Variants in MARCHF1 observed in about 807,000 individuals in gnomAD.
MARCHF1 encodes membrane associated ring-CH-type finger 1, also known as E3 ubiquitin-protein ligase MARCHF1.
Under a neutral mutation model 54.2 loss-of-function variants are expected in MARCHF1, and 40 were observed. The ratio of observed to expected loss-of-function variants is 0.74; its 90% confidence interval spans 0.57 to 0.96. MARCHF1 has a LOEUF of 0.96. MARCHF1 is among the 40% of genes least tolerant of loss of function. The pLI is 0.00. For missense variants in MARCHF1, 586 were observed against 656.5 expected (o/e 0.89, Z 1.17); for synonymous variants, 236 against 236.3 (o/e 1.00, Z 0.01).
At chr4:164,067,177 A>G (rs112477611) in intron 2 of MARCHF1, among the ~76,000 whole-genome samples, 9,458 of 152,138 alleles carry the variant, frequency 0.062, 712 homozygotes, top group African/African-American at 0.19. Context: ...AAAGAAATTC[A>G]CAGATGCAAC....
intron 1 of MARCHF1, among the ~76,000 whole-genome samples, chr4:164,309,255 TG>T (rs1734781022): frequency 8.6e-5 from 3 of 34,704 alleles, no homozygotes; most frequent in African/African-American, 4.0e-4. Flanking sequence ...ATTTCTAACC[TG>T]TGTGTGTGTG....
chr4:164,337,099 A>G (rs1469018323), intron 1 of MARCHF1, among the ~76,000 whole-genome samples: 4 of 152,152 alleles, frequency 2.6e-5, no homozygotes, highest in Non-Finnish European at 5.9e-5. Context: ...AACCTGTGAA[A>G]GTGTAAGTTT....
At chr4:164,083,813 T>C (rs958091934) in intron 2 of MARCHF1, among the ~76,000 whole-genome samples, 1 of 152,084 alleles carries the variant, frequency 6.6e-6, no homozygotes, top group Non-Finnish European at 1.5e-5. Context: ...ATTGACTCAA[T>C]AGTAACCTCC....
At chr4:163,865,458 A>G (rs960730579) in intron 3 of MARCHF1, among the ~76,000 whole-genome samples, 1 of 151,866 alleles carries the variant, frequency 6.6e-6, no homozygotes, top group African/African-American at 2.4e-5. Flanking sequence ...TGCATCTTAA[A>G]AGCCATTGGA....
chr4:163,533,297 A>G (rs1370373374), intron 9 of MARCHF1, among the ~76,000 whole-genome samples: 2 of 152,008 alleles, frequency 1.3e-5, no homozygotes, highest in East Asian at 3.9e-4. Flanking sequence ...CATTCTAGAA[A>G]AGGCAAAACT....
rs1325201042 is a variant in MARCHF1, at chr4:163,527,360, C to G, written c.*1388G>C. 2.6e-5 allele frequency: 4 copies of G among 152,040 alleles called. No individual in the cohort carries two copies. The allele number at this position is 152,040 out of a possible 1,614,324, so 9.4% of individuals were successfully genotyped here. ...AGCTTTTAAAAGTAAGGGCTAGATT[C>G]TTAGTCATAATTACTCATCATCTGT... On this transcript the variant is annotated 3_prime_UTR_variant, in exon 10 of 10. Coordinates refer to ENST00000514618, the MANE Select transcript of MARCHF1 (RefSeq NM_001394959.1).
At chr4:164,240,137 C>A (rs1732695527) in intron 1 of MARCHF1, among the ~76,000 whole-genome samples, 2 of 152,114 alleles carry the variant, frequency 1.3e-5, no homozygotes, top group South Asian at 4.1e-4. Context: ...AACCAGGAGA[C>A]CTGGATTCCA....
chr4:164,005,608 C>T lies in MARCHF1; in HGVS notation c.-247-16899G>A, dbSNP rs559949413. On this transcript the variant is annotated intron_variant, in intron 2 of 9. Coordinates refer to ENST00000514618, the MANE Select transcript of MARCHF1 (RefSeq NM_001394959.1). Reference sequence around the variant, plus strand: ...TTCTGTGCCATCGTGGGTGCCCTTACAGGAGACCTGTCCCTGCCTTACCTC... The same window carrying T: ...TTCTGTGCCATCGTGGGTGCCCTTATAGGAGACCTGTCCCTGCCTTACCTC... Among the ~76,000 whole-genome samples the T allele has an allele frequency of 2.0e-5, 3 of 152,272 alleles. No individual in the cohort carries two copies. In the East Asian group the frequency reaches 5.8e-4, roughly 29 times the overall value.
intron 4 of MARCHF1, among the ~76,000 whole-genome samples, chr4:163,740,731 A>C (rs1195957902): frequency 2.0e-5 from 3 of 152,234 alleles, no homozygotes; most frequent in Admixed American, 2.0e-4. Context: ...GGAATGTAAA[A>C]GATTCATGGA....
intron 1 of MARCHF1, among the ~76,000 whole-genome samples, chr4:164,248,623 A>C (rs1163975728): frequency 1.3e-5 from 2 of 152,076 alleles, no homozygotes; most frequent in Non-Finnish European, 2.9e-5. Context: ...TGTTAACAGG[A>C]TGAGAATAAA....
At chr4:163,561,841 A>C (rs1560943353) in intron 8 of MARCHF1, among the ~76,000 whole-genome samples, 1 of 152,100 alleles carries the variant, frequency 6.6e-6, no homozygotes, top group Admixed American at 6.5e-5. Context: ...TTTATCTTCC[A>C]GTAAAAACAT....
intron 2 of MARCHF1, among the ~76,000 whole-genome samples, chr4:164,042,799 T>A (rs1045779106): frequency 2.0e-5 from 3 of 152,150 alleles, no homozygotes; most frequent in African/African-American, 7.2e-5. Context: ...ACTTCCAAGA[T>A]ACAATGGGGG....
intron 2 of MARCHF1, among the ~76,000 whole-genome samples, chr4:164,019,168 C>G (rs1753608826): frequency 6.6e-6 from 1 of 152,152 alleles, no homozygotes; most frequent in African/African-American, 2.4e-5. Flanking sequence ...CCAATTCTCT[C>G]TGTTTCTTAC....
intron 3 of MARCHF1, among the ~76,000 whole-genome samples, chr4:163,975,161 A>G (rs956978749): frequency 2.9e-4 from 32 of 111,016 alleles, no homozygotes; most frequent in African/African-American, 1.2e-3. Flanking sequence ...TTCTCATAAT[A>G]AAGCTCTCTC....
Position 163,700,833 on chromosome 4 carries a change from G to A in MARCHF1, c.142C>T (p.Arg48Ter). The stretch of plus-strand genomic sequence containing the variant: ...CCTACTTTTGAAATGTTACTTGATC[G>A]ACTTGCAGATCGCCCTGGGGATTTT... ...NEKSPGRSAS[R>*]SSNISKASSP... is the part of the protein sequence containing the mutation. The change falls in exon 5 of 10, where the codon CGA becomes TGA. Residue 48 changes from arginine (R) to a stop codon, truncating the protein, a stop_gained. Coordinates refer to ENST00000514618, the MANE Select transcript of MARCHF1 (RefSeq NM_001394959.1). LOFTEE classifies it high-confidence loss of function. 6.5e-7 allele frequency: 1 copy of A among 1,536,174 alleles called. No homozygotes were observed. Among genetic ancestry groups the A allele is most frequent in the East Asian group, 2.5e-5 (1 of 40,798 alleles).
chr4:163,973,048 T>A (rs1429174205), intron 3 of MARCHF1, among the ~76,000 whole-genome samples: 1 of 152,196 alleles, frequency 6.6e-6, no homozygotes, highest in African/African-American at 2.4e-5. Context: ...TGTCACATCC[T>A]TTCAAAAAAC....
intron 1 of MARCHF1, among the ~76,000 whole-genome samples, chr4:164,375,053 T>C (rs564158520): frequency 6.6e-6 from 1 of 152,250 alleles, no homozygotes; most frequent in South Asian, 2.1e-4. Context: ...TTGTCTCTAA[T>C]TGATCGAATT....
chr4:164,188,420 C>G (rs1281684023), intron 1 of MARCHF1: 3 of 562,734 alleles, frequency 5.3e-6, no homozygotes, highest in Admixed American at 5.1e-5. Flanking sequence ...GCTGCTGCTA[C>G]TCGGTGAGGC....
chr4:163,969,027 C>A (rs1752498356), intron 3 of MARCHF1, among the ~76,000 whole-genome samples: 1 of 152,060 alleles, frequency 6.6e-6, no homozygotes, highest in African/African-American at 2.4e-5. Context: ...TTGCAGCTAG[C>A]CATAGGAACG....
Sources: gnomAD v4.1 joint callset for allele counts (sites outside exome capture counted in the v4.1 genomes callset) on GRCh38, gnomAD v4.1.1 for gene constraint, MANE v1.5 for transcripts, NCBI Gene and HGNC (gene_info 2026-07-23, HGNC 2026-07-21) for gene names.